STIM1: variants seen among roughly 807,000 people sequenced by gnomAD.
STIM1 encodes stromal interaction molecule 1.
A neutral mutation model predicts 74.7 loss-of-function variants in STIM1; 25 were observed. The observed-to-expected ratio is 0.33, with a 90% confidence interval of 0.24 to 0.47. The LOEUF is 0.47. STIM1 is among the 20% of genes least tolerant of loss of function. STIM1 has a pLI of 1.00. For synonymous variants in STIM1, 328 were observed against 348.8 expected, an observed-to-expected ratio of 0.94 and a Z score of 0.66; for missense variants, 728 against 920.8, an observed-to-expected ratio of 0.79 and a Z score of 2.71.
intron 1 of STIM1, among the ~76,000 whole-genome samples, chr11:3,869,872 GGTAAA>G (rs978078920): frequency 1.3e-5 from 2 of 152,140 alleles, no homozygotes; most frequent in African/African-American, 4.8e-5. Context: ...GCATTGTGGA[GGTAAA>G]ATCAGTAGGA....
chr11:4,057,722 T>C (rs1034896738), intron 4 of STIM1, among the ~76,000 whole-genome samples: 14 of 151,898 alleles, frequency 9.2e-5, no homozygotes, highest in Non-Finnish European at 2.1e-4. Flanking sequence ...TACAAAAAAT[T>C]AGCCAGGCGT....
chr11:4,039,379 G>A (rs1374898708), intron 3 of STIM1, among the ~76,000 whole-genome samples: 1 of 151,978 alleles, frequency 6.6e-6, no homozygotes, highest in Non-Finnish European at 1.5e-5. Flanking sequence ...ACAAGGTCAG[G>A]AGTTCAAGAT....
intron 5 of STIM1, among the ~76,000 whole-genome samples, chr11:4,067,545 C>T (rs941270452): frequency 2.0e-5 from 3 of 152,080 alleles, no homozygotes; most frequent in Non-Finnish European, 2.9e-5. Context: ...ATATTTGCTG[C>T]GTGAATATGA....
At chr11:3,898,596 T>C (rs2092258468) in intron 1 of STIM1, among the ~76,000 whole-genome samples, 1 of 148,586 alleles carries the variant, frequency 6.7e-6, no homozygotes, top group Non-Finnish European at 1.5e-5. Context: ...TGCCCATGCC[T>C]ATGTCCTGAA....
chr11:3,993,940 C>T (rs1394345540), intron 2 of STIM1, among the ~76,000 whole-genome samples: 2 of 152,190 alleles, frequency 1.3e-5, no homozygotes, highest in Non-Finnish European at 2.9e-5. Context: ...ACTGCTATGT[C>T]TCCAGTACCT....
chr11:3,896,071 A>C (rs2092160452), intron 1 of STIM1, among the ~76,000 whole-genome samples: 1 of 151,126 alleles, frequency 6.6e-6, no homozygotes, highest in Non-Finnish European at 1.5e-5. Context: ...CACCCGGCTA[A>C]TTTTTTGTAT....
At chr11:3,951,942 G>A (rs2093154224) in intron 1 of STIM1, among the ~76,000 whole-genome samples, 1 of 152,022 alleles carries the variant, frequency 6.6e-6, no homozygotes, top group South Asian at 2.1e-4. Flanking sequence ...TTTCTTCTTG[G>A]AAGCTTTAGT....
At chr11:4,019,887 C>T (rs527988590) in intron 2 of STIM1, among the ~76,000 whole-genome samples, 44 of 152,262 alleles carry the variant, frequency 2.9e-4, no homozygotes, top group African/African-American at 7.5e-4. Context: ...AACACTAGAA[C>T]TTATAAACTT....
At chr11:4,017,677 T>C (rs540151168) in intron 2 of STIM1, among the ~76,000 whole-genome samples, 1 of 152,288 alleles carries the variant, frequency 6.6e-6, no homozygotes, top group African/African-American at 2.4e-5. Flanking sequence ...AGGTTCTAGG[T>C]TGGAGCCTAT....
intron 1 of STIM1, among the ~76,000 whole-genome samples, chr11:3,889,757 G>T (rs1455414316): frequency 6.6e-6 from 1 of 152,124 alleles, no homozygotes; most frequent in Non-Finnish European, 1.5e-5. Flanking sequence ...CTTGTTTTTA[G>T]TATTGTTGGG....
At chr11:3,914,300 A>G (rs1284537967) in intron 1 of STIM1, among the ~76,000 whole-genome samples, 1 of 152,120 alleles carries the variant, frequency 6.6e-6, no homozygotes, top group Non-Finnish European at 1.5e-5. Flanking sequence ...AACATGCATC[A>G]GAAAACTTCA....
chr11:4,047,508 C>T (rs1324415095), intron 3 of STIM1, among the ~76,000 whole-genome samples: 2 of 152,036 alleles, frequency 1.3e-5, no homozygotes, highest in Admixed American at 1.3e-4. Context: ...CCCAGCTACT[C>T]CAGAGGCTGA....
At chr11:3,919,330 C>T (rs1032481467) in intron 1 of STIM1, among the ~76,000 whole-genome samples, 3 of 152,088 alleles carry the variant, frequency 2.0e-5, no homozygotes, top group Admixed American at 6.5e-5. Context: ...CTCAGCCTCC[C>T]GAGTAGCTGG....
rs151095938 is a variant in STIM1 at position 3,954,387 on chromosome 11, G to A, written c.140-13165G>A. The stretch of plus-strand genomic sequence containing the variant: ...AACAAATGTTCATTGAAGTCTAACC[G>A]TTGTCCTAGGGACTAAGCTAGGTGC... On this transcript the variant is annotated intron_variant, in intron 1 of 12. Transcript: ENST00000526596. Among the ~76,000 whole-genome samples the A allele has an allele frequency of 1.8e-3, 276 of 152,168 alleles. 1 individual carries two copies. Among genetic ancestry groups the A allele is most frequent in the African/African-American group, 3.5e-3 (145 of 41,508 alleles).
intron 1 of STIM1, among the ~76,000 whole-genome samples, chr11:3,898,203 A>G (rs1237756388): frequency 1.3e-5 from 2 of 150,004 alleles, no homozygotes; most frequent in African/African-American, 4.9e-5. Flanking sequence ...AATGATTGCC[A>G]TTCTAACTGG....
At chr11:3,857,096 GTTTTTTTTTTTGT>G (rs1041093335) in intron 1 of STIM1, among the ~76,000 whole-genome samples, 10 of 78,014 alleles carry the variant, frequency 1.3e-4, no homozygotes, top group South Asian at 5.4e-4. Flanking sequence ...CATGCTACAG[GTTTTTTTTTTTGT>G]TTTTTTTTTT....
intron 2 of STIM1, among the ~76,000 whole-genome samples, chr11:3,997,912 T>C (rs1488607307): frequency 6.6e-6 from 1 of 152,184 alleles, no homozygotes; most frequent in African/African-American, 2.4e-5. Context: ...GACTACAATG[T>C]CTTGTCTTAA....
intron 1 of STIM1, among the ~76,000 whole-genome samples, chr11:3,857,474 G>A (rs1351342137): frequency 1.3e-5 from 2 of 151,578 alleles, no homozygotes; most frequent in African/African-American, 4.9e-5. Flanking sequence ...TCTGTGTTGT[G>A]CAGGGATCCC....
intron 3 of STIM1, among the ~76,000 whole-genome samples, chr11:4,029,149 T>C (rs2094025203): frequency 6.6e-6 from 1 of 151,996 alleles, no homozygotes; most frequent in Non-Finnish European, 1.5e-5. Context: ...GATCACGCCA[T>C]GGCACTCCAG....
Sources: gnomAD v4.1 joint callset for allele counts (sites outside exome capture counted in the v4.1 genomes callset) on GRCh38, gnomAD v4.1.1 for gene constraint, MANE v1.5 for transcripts, NCBI Gene and HGNC (gene_info 2026-07-23, HGNC 2026-07-21) for gene names.